CMC1: variants seen among roughly 807,000 people sequenced by gnomAD.
The protein encoded by CMC1 is C-X9-C motif containing 1, also known as COX assembly mitochondrial protein homolog.
In CMC1, 14 loss-of-function variants were observed where a neutral mutation model predicts 14.1. The observed-to-expected ratio is 0.99, with a 90% CI of 0.66 to 1.55. CMC1 has a LOEUF of 1.55. CMC1 is among the 40% of genes most tolerant of loss of function. The pLI is 0.00. For synonymous variants in CMC1, 50 were observed against 38.4 expected (o/e 1.30, Z -1.12); for missense variants, 127 against 123.8 (o/e 1.03, Z -0.12).
chr3:28,304,591 G>A (rs965224189), intron 2 of CMC1, among the ~76,000 whole-genome samples: 1 of 152,022 alleles, frequency 6.6e-6, no homozygotes, highest in Non-Finnish European at 1.5e-5. Flanking sequence ...CGTCTCAACA[G>A]CATTTGACAA....
chr3:28,288,482 G>A (rs1367695386), intron 2 of CMC1, among the ~76,000 whole-genome samples: 1 of 151,898 alleles, frequency 6.6e-6, no homozygotes, highest in Non-Finnish European at 1.5e-5. Flanking sequence ...TACCGTAAAT[G>A]TAACATTAAG....
chr3:28,294,094 A>G (rs1701622822), intron 2 of CMC1, among the ~76,000 whole-genome samples: 1 of 152,170 alleles, frequency 6.6e-6, no homozygotes, highest in Non-Finnish European at 1.5e-5. Context: ...ATGGCCTTTA[A>G]CATATTAATG....
At chr3:28,246,797 GATTT>G (rs1698852254) in intron 1 of CMC1, among the ~76,000 whole-genome samples, 1 of 139,310 alleles carries the variant, frequency 7.2e-6, no homozygotes, top group Non-Finnish European at 1.5e-5. Context: ...GGGGTCCATT[GATTT>G]TTTTTTTTTT....
In CMC1 at chr3:28,278,184, CAG is replaced by C. The variant is rs551906763; in HGVS notation, c.109+14808_109+14809del. Among the ~76,000 whole-genome samples the C allele has an allele frequency of 5.7e-3, 721 of 127,082 alleles. 4 individuals are homozygous for C. The highest frequency in any genetic ancestry group is 0.024 in the Middle Eastern group (6 of 252). The allele number at this position is 127,082 out of a possible 152,430, so 83.4% of individuals were successfully genotyped here. On this transcript the variant is annotated intron_variant, in intron 2 of 3. Coordinates refer to ENST00000466830, the MANE Select transcript of CMC1 (RefSeq NM_182523.2). ...AGATATATTTTGAAAGTAGAGGCAA[CAG>C]AGAAAGAGATGGCTCCTTATTTGTC... is the stretch of plus-strand genomic sequence containing the variant.
Position 28,316,417 on chromosome 3 carries a change from C to T in CMC1, c.194C>T (p.Thr65Ile), listed in dbSNP as rs764403602. 1.3e-6 allele frequency: 2 copies of T among 1,582,574 alleles called. No individual in the cohort carries two copies. Among genetic ancestry groups the T allele is most frequent in the Non-Finnish European group, 1.7e-6 (2 of 1,159,272 alleles). The change falls in exon 3 of 4, where the codon ACT becomes ATT. Residue 65 changes from threonine to isoleucine, a missense_variant. Transcript: ENST00000466830. ...AATTCTGCATTGAAAGAATGTCTAA[C>T]TGCTTAGTAAGTAGTTGTCTCAGCG... ...KENSALKECL[T>I]AYYNDPAFYE...
chr3:28,261,469 A>G (rs1699731545), intron 1 of CMC1, among the ~76,000 whole-genome samples: 1 of 152,168 alleles, frequency 6.6e-6, no homozygotes, highest in Non-Finnish European at 1.5e-5. Context: ...TCCAGGCCAG[A>G]TGTCAGATAC....
rs1159710308 is a variant in CMC1 at position 28,324,139 on chromosome 3, G to C, written c.*4510G>C. 1 of 1,610,416 alleles carries C rather than the reference G, an allele frequency of 6.2e-7. No individual in the cohort carries two copies. Among genetic ancestry groups the C allele is most frequent in the Non-Finnish European group, 8.5e-7 (1 of 1,177,566 alleles). On this transcript the variant is annotated 3_prime_UTR_variant, in exon 4 of 4. Transcript: ENST00000466830. ...AGTTTTAGTTTTAGTTTCCCCAAAT[G>C]CTGTCTCACTTGATTTAGGAGGACT...
chr3:28,268,928 A>C (rs143329129), intron 2 of CMC1, among the ~76,000 whole-genome samples: 3 of 152,276 alleles, frequency 2.0e-5, no homozygotes, highest in Admixed American at 2.0e-4. Flanking sequence ...TGGTCAACTG[A>C]GGTTCTAGTT....
At chr3:28,292,788 C>G (rs1208287655) in intron 2 of CMC1, 2 of 152,142 alleles carry the variant, frequency 1.3e-5, no homozygotes. Flanking sequence ...CAGAAATGAA[C>G]ATAGATGTGC....
At position 28,260,450 on chromosome 3, in the gene CMC1, T is replaced by G. The variant is rs1352751146; in HGVS notation, c.20-2841T>G. 2.0e-5 allele frequency among the ~76,000 whole-genome samples: 3 copies of G among 152,108 alleles called. No homozygotes were observed. In the South Asian group the frequency reaches 6.2e-4, roughly 31 times the overall value. On this transcript the variant is annotated intron_variant, in intron 1 of 3. Coordinates refer to ENST00000466830, the MANE Select transcript of CMC1 (RefSeq NM_182523.2). ...TTGTTCATAATATTCCCTTATTATTTAAAAATATTTATCATTTCTGATGTT... is the reference window on the plus strand; with the variant it reads ...TTGTTCATAATATTCCCTTATTATTGAAAAATATTTATCATTTCTGATGTT...
intron 2 of CMC1, among the ~76,000 whole-genome samples, chr3:28,302,062 T>A (rs1702079939): frequency 6.6e-6 from 1 of 152,192 alleles, no homozygotes; most frequent in Non-Finnish European, 1.5e-5. Flanking sequence ...CCTTTTTGAT[T>A]CCAGAAGTCT....
chr3:28,300,533 G>A lies in CMC1; in HGVS notation c.110-15800G>A, dbSNP rs139128295. ...CTTTTTCACTCTGCTCTTCAAAGCCGAGGCTTCTCTTATATAGACCCCACT... is the reference window on the plus strand; with the variant it reads ...CTTTTTCACTCTGCTCTTCAAAGCCAAGGCTTCTCTTATATAGACCCCACT... On this transcript the variant is annotated intron_variant, in intron 2 of 3. Transcript: ENST00000466830. 5.6e-4 allele frequency among the ~76,000 whole-genome samples: 85 copies of A among 151,976 alleles called. 1 individual carries two copies. Among genetic ancestry groups the A allele is most frequent in the African/African-American group, 2.0e-3 (83 of 41,456 alleles).
intron 1 of CMC1, 97 bp from the exon 2 acceptor site, chr3:28,263,194 G>T (rs922339551): frequency 3.7e-6 from 3 of 801,416 alleles, no homozygotes; most frequent in African/African-American, 3.6e-5. Flanking sequence ...GAGTATATTT[G>T]CATAGGCTTT....
intron 2 of CMC1, among the ~76,000 whole-genome samples, chr3:28,263,733 C>T (rs1209154254): frequency 6.6e-6 from 1 of 152,010 alleles, no homozygotes; most frequent in Non-Finnish European, 1.5e-5. Context: ...ACCTGTTTCC[C>T]ATCTGTCACC....
chr3:28,280,254 A>G (rs1700818380), intron 2 of CMC1, among the ~76,000 whole-genome samples: 2 of 152,210 alleles, frequency 1.3e-5, no homozygotes, highest in Non-Finnish European at 2.9e-5. Context: ...TGGGAGTGGG[A>G]CAAGTATTGA....
At position 28,323,509 on chromosome 3, in the gene CMC1, T is replaced by TA. The variant is rs1703258316; in HGVS notation, c.*3883dup. 1 of 151,530 alleles carries TA rather than the reference T, an allele frequency of 6.6e-6. No homozygotes were observed. The highest frequency in any genetic ancestry group is 2.1e-4 in the South Asian group (1 of 4,832). 9.4% of individuals were successfully genotyped at this position (151,530 alleles called of 1,614,324 possible). The stretch of plus-strand genomic sequence containing the variant: ...GTGACCAAAAAATCACTTTAAATCT[T>TA]AAATATTGAAACGCAATAGCATATA... On this transcript the variant is annotated 3_prime_UTR_variant, in exon 4 of 4. Transcript: ENST00000466830.
At position 28,321,805 on chromosome 3, in the gene CMC1, A is replaced by AGAT. The variant is rs1703196602; in HGVS notation, c.*2178_*2180dup. On this transcript the variant is annotated 3_prime_UTR_variant, in exon 4 of 4. Coordinates refer to ENST00000466830, the MANE Select transcript of CMC1 (RefSeq NM_182523.2). ...TTGGCAGCAACTCAGTAAGTCTTAC[A>AGAT]GATGTAAATTTTACTTTAGCTAATA... 1 of 151,402 alleles carries AGAT rather than the reference A, an allele frequency of 6.6e-6. No individual in the cohort carries two copies. Among genetic ancestry groups the AGAT allele is most frequent in the African/African-American group, 2.4e-5 (1 of 41,366 alleles). The allele number at this position is 151,402 out of a possible 1,614,324, so 9.4% of individuals were successfully genotyped here. A position where few individuals can be genotyped will look rare whatever the true frequency, so the allele number is the denominator to read the frequency against.
chr3:28,244,807 C>T (rs1450320157), intron 1 of CMC1, among the ~76,000 whole-genome samples: 1 of 150,152 alleles, frequency 6.7e-6, no homozygotes, highest in Non-Finnish European at 1.5e-5. Context: ...TCAAATCTAA[C>T]AATGTGATTA....
At chr3:28,310,459 C>T (rs774200285) in intron 2 of CMC1, among the ~76,000 whole-genome samples, 6 of 152,248 alleles carry the variant, frequency 3.9e-5, no homozygotes, top group African/African-American at 7.2e-5. Context: ...TCAGCTAAAA[C>T]GTGAATCATT....
Sources: gnomAD v4.1 joint callset for allele counts (sites outside exome capture counted in the v4.1 genomes callset) on GRCh38, gnomAD v4.1.1 for gene constraint, MANE v1.5 for transcripts, NCBI Gene and HGNC (gene_info 2026-07-23, HGNC 2026-07-21) for gene names.